ANO1: variants seen among roughly 807,000 people sequenced by gnomAD.
ANO1 encodes anoctamin-1.
In ANO1, 59 loss-of-function variants were observed where a neutral mutation model predicts 124.0. That is an observed-to-expected ratio of 0.48 (90% CI 0.39 to 0.59). The LOEUF is 0.59. ANO1 is among the 20% of genes least tolerant of loss of function. The pLI, the probability that ANO1 is intolerant of heterozygous loss-of-function variation, is 0.00. For synonymous variants in ANO1, 529 were observed against 532.0 expected (o/e 0.99, Z 0.08); for missense variants, 1,059 against 1,328.0 (o/e 0.80, Z 3.15).
chr11:70,124,792 A>G (rs1374576297), intron 9 of ANO1, among the ~76,000 whole-genome samples: 1 of 152,194 alleles, frequency 6.6e-6, no homozygotes, highest in Non-Finnish European at 1.5e-5. Flanking sequence ...CTCACAGGGC[A>G]GGAAGGAGGG....
intron 2 of ANO1, among the ~76,000 whole-genome samples, chr11:70,101,321 C>T (rs12289606): frequency 0.077 from 11,700 of 151,316 alleles, 508 homozygotes; most frequent in African/African-American, 0.12. Flanking sequence ...TTTGGGAGGC[C>T]GAGGCAGGCA....
At chr11:70,170,473 TC>T (rs1328198057) in intron 21 of ANO1, among the ~76,000 whole-genome samples, 1 of 152,100 alleles carries the variant, frequency 6.6e-6, no homozygotes, top group Non-Finnish European at 1.5e-5. Context: ...ATGCCTGTGG[TC>T]CCAGCTACCC....
intron 10 of ANO1, among the ~76,000 whole-genome samples, chr11:70,129,890 G>A (rs2046675916): frequency 6.6e-6 from 1 of 152,114 alleles, no homozygotes; most frequent in African/African-American, 2.4e-5. Flanking sequence ...CCCAGTGCTG[G>A]GATTACAGGC....
rs2047789436 is a variant in ANO1 at position 70,155,828 on chromosome 11, G to GGGAC, written c.1426-80_1426-77dup. 13 of 1,309,722 alleles carry GGGAC rather than the reference G, an allele frequency of 9.9e-6. No homozygotes were observed. The South Asian group carries it at 1.9e-4, about 19-fold the overall frequency. The allele number at this position is 1,309,722 out of a possible 1,614,324, so 81.1% of individuals were successfully genotyped here. On this transcript the variant is annotated intron_variant, in intron 14 of 25. Transcript: ENST00000355303. ...GAGGGGCCAGCCTGCTGCCAAGATG[G>GGGAC]GGACGGTTCCCTGGGCCCCGCGGTC...
rs117467345 is a variant in ANO1, at chr11:70,160,868, C to T, written c.1579-293C>T. ...TTGTGAACTGCAGGCTTGGGCAGAC[C>T]GCCTGGTAAATCCCAGCTCCTGAGC... On this transcript the variant is annotated intron_variant, in intron 16 of 25. Coordinates refer to ENST00000355303, the MANE Select transcript of ANO1 (RefSeq NM_018043.7). 2.4e-3 allele frequency among the ~76,000 whole-genome samples: 371 copies of T among 152,312 alleles called. 1 individual carries two copies. Among genetic ancestry groups the T allele is most frequent in the East Asian group, 0.014 (74 of 5,166 alleles).
chr11:70,156,081 T>A (rs1027616268), intron 15 of ANO1, 93 bp downstream of exon 15: 141 of 1,096,442 alleles, frequency 1.3e-4, no homozygotes, highest in Admixed American at 6.6e-4. Flanking sequence ...TTGTATATAT[T>A]TTTTTTTAAC....
At chr11:70,045,955 C>T (rs548816539) in intron 1 of ANO1, among the ~76,000 whole-genome samples, 6 of 152,336 alleles carry the variant, frequency 3.9e-5, no homozygotes, top group African/African-American at 1.4e-4. Flanking sequence ...ACATCTAACT[C>T]ATGTCAACTT....
At chr11:70,184,659 G>C (rs1411834088) in intron 24 of ANO1, among the ~76,000 whole-genome samples, 1 of 152,232 alleles carries the variant, frequency 6.6e-6, no homozygotes, top group Non-Finnish European at 1.5e-5. Flanking sequence ...GGAATGCTTA[G>C]CTTCGTTCTT....
At chr11:70,143,574 C>T (rs888499362) in intron 11 of ANO1, among the ~76,000 whole-genome samples, 2 of 152,130 alleles carry the variant, frequency 1.3e-5, no homozygotes, top group African/African-American at 4.8e-5. Flanking sequence ...AATGCAGATT[C>T]CGGGGACCCT....
chr11:69,982,144 T>G (rs1283147402), upstream of ANO1, among the ~76,000 whole-genome samples: 1 of 151,340 alleles, frequency 6.6e-6, no homozygotes, highest in African/African-American at 2.4e-5. Flanking sequence ...TGCCACCGAG[T>G]TGAACACTTA....
chr11:70,170,356 G>C (rs1167627052), intron 21 of ANO1, among the ~76,000 whole-genome samples: 1 of 152,234 alleles, frequency 6.6e-6, no homozygotes, highest in Non-Finnish European at 1.5e-5. Flanking sequence ...TGGAATCCCA[G>C]CACTTTGGGT....
intron 1 of ANO1, among the ~76,000 whole-genome samples, chr11:70,008,086 C>T (rs574966186): frequency 6.7e-6 from 1 of 150,230 alleles, no homozygotes; most frequent in East Asian, 1.9e-4. Context: ...AATTCTCTTG[C>T]TCATTTTAAA....
chr11:70,172,132 A>AAAAAAAAAAAG (rs111814625), intron 22 of ANO1, among the ~76,000 whole-genome samples: 4 of 141,570 alleles, frequency 2.8e-5, no homozygotes, highest in South Asian at 2.2e-4. Flanking sequence ...AAAAAAAAAA[A>AAAAAAAAAAAG]AAAAGAAAAG....
At chr11:69,970,252 C>T in the ANO1 span, among the ~76,000 whole-genome samples, 3 of 152,172 alleles carry the variant, frequency 2.0e-5, no homozygotes, top group Admixed American at 1.3e-4. Flanking sequence ...CAGAACCCCG[C>T]GGCCACAGTG....
intron 12 of ANO1, among the ~76,000 whole-genome samples, chr11:70,152,180 C>CA (rs970888418): frequency 1.5e-4 from 23 of 151,942 alleles, no homozygotes; most frequent in African/African-American, 5.5e-4. Context: ...ACTAAAAATA[C>CA]AAAAAATTAG....
intron 21 of ANO1, among the ~76,000 whole-genome samples, chr11:70,168,993 G>C (rs981741299): frequency 6.6e-6 from 1 of 152,178 alleles, no homozygotes; most frequent in Non-Finnish European, 1.5e-5. Flanking sequence ...GGGTCAGGCC[G>C]GTAGGCAGAA....
chr11:70,063,050 C>T (rs939609433), intron 1 of ANO1, among the ~76,000 whole-genome samples: 2 of 152,110 alleles, frequency 1.3e-5, no homozygotes, highest in South Asian at 4.1e-4. Context: ...CTCCCTCAGC[C>T]TCTTGAGTAG....
At chr11:69,974,968 C>T in the ANO1 span, among the ~76,000 whole-genome samples, 3 of 151,514 alleles carry the variant, frequency 2.0e-5, no homozygotes, top group Non-Finnish European at 3.0e-5. Context: ...AGAAGGTGGC[C>T]GTCTGCAAAA....
intron 11 of ANO1, among the ~76,000 whole-genome samples, chr11:70,138,819 T>C (rs1009959823): frequency 2.0e-5 from 3 of 152,198 alleles, no homozygotes; most frequent in Non-Finnish European, 4.4e-5. Context: ...TGACATGTGC[T>C]GATCTGTTAC....
Sources: gnomAD v4.1 joint callset for allele counts (sites outside exome capture counted in the v4.1 genomes callset) on GRCh38, gnomAD v4.1.1 for gene constraint, MANE v1.5 for transcripts, NCBI Gene and HGNC (gene_info 2026-07-23, HGNC 2026-07-21) for gene names.